Variants in PALLD observed in about 807,000 individuals in gnomAD.
PALLD encodes the protein palladin, cytoskeletal associated protein, also known as palladin.
Under a neutral mutation model 123.5 loss-of-function variants are expected in PALLD, and 61 were observed. That is an observed-to-expected ratio of 0.49 (90% CI 0.40 to 0.61). The LOEUF (loss-of-function observed/expected upper bound fraction) is 0.61. Among genes scored for constraint, PALLD ranks in the 20% least tolerant of loss-of-function variants. The pLI is 0.00. For synonymous variants in PALLD, 465 were observed against 496.4 expected, an observed-to-expected ratio of 0.94 and a Z score of 0.84; for missense variants, 1,273 against 1,377.0, an observed-to-expected ratio of 0.92 and a Z score of 1.20.
chr4:168,789,433 G>T (rs1407192251), intron 10 of PALLD, among the ~76,000 whole-genome samples: 1 of 152,146 alleles, frequency 6.6e-6, no homozygotes, highest in African/African-American at 2.4e-5. Context: ...AGGGCCGGGT[G>T]CAGTGGCTCA....
chr4:168,856,140 C>G (rs767689581), intron 10 of PALLD, among the ~76,000 whole-genome samples: 1 of 152,172 alleles, frequency 6.6e-6, no homozygotes. Context: ...ATAATGGCCT[C>G]GAGCTGCATC....
At chr4:168,517,687 C>T (rs921955225) in intron 2 of PALLD, among the ~76,000 whole-genome samples, 3 of 152,038 alleles carry the variant, frequency 2.0e-5, no homozygotes, top group Non-Finnish European at 2.9e-5. Flanking sequence ...GATTTGGTTT[C>T]GGAAAATGTA....
At chr4:168,787,039 C>T (rs1736860429) in intron 10 of PALLD, among the ~76,000 whole-genome samples, 1 of 152,118 alleles carries the variant, frequency 6.6e-6, no homozygotes, top group African/African-American at 2.4e-5. Context: ...ATCCATCTGT[C>T]CAGCTATTAT....
At chr4:168,899,714 C>T (rs1183455335) in intron 14 of PALLD, among the ~76,000 whole-genome samples, 1 of 151,926 alleles carries the variant, frequency 6.6e-6, no homozygotes, top group African/African-American at 2.4e-5. Flanking sequence ...CTCAGGAGTT[C>T]GAGACCAGCC....
At chr4:168,558,485 T>C (rs955766018) in intron 2 of PALLD, among the ~76,000 whole-genome samples, 7 of 152,140 alleles carry the variant, frequency 4.6e-5, no homozygotes, top group Admixed American at 3.9e-4. Context: ...CTCCCTCAGC[T>C]CTTTCACAAA....
intron 2 of PALLD, among the ~76,000 whole-genome samples, chr4:168,535,492 C>T (rs960142594): frequency 6.6e-6 from 1 of 152,150 alleles, no homozygotes; most frequent in Admixed American, 6.5e-5. Context: ...TTCAGATAAC[C>T]GAACCCACAT....
At chr4:168,758,945 C>T (rs185875121) in intron 10 of PALLD, among the ~76,000 whole-genome samples, 21 of 151,348 alleles carry the variant, frequency 1.4e-4, no homozygotes, top group African/African-American at 4.4e-4. Context: ...GAGGCCAAGG[C>T]GGATGGATCA....
chr4:168,694,119 T>G (rs1323563743), intron 8 of PALLD, among the ~76,000 whole-genome samples: 2 of 152,340 alleles, frequency 1.3e-5, no homozygotes, highest in East Asian at 3.9e-4. Flanking sequence ...GTTTACCTTC[T>G]TTAAATGACC....
Position 168,890,733 on chromosome 4 carries a change from C to T in PALLD, c.1965-189C>T, listed in dbSNP as rs541135104. 1.3e-4 allele frequency among the ~76,000 whole-genome samples: 20 copies of T among 152,270 alleles called. 1 individual carries two copies. The South Asian group carries it at 3.7e-3, about 28-fold the overall frequency. On this transcript the variant is annotated intron_variant, in intron 10 of 21. Transcript: ENST00000505667. ...TAATGTATGTGAACCTTCTCTGAAACCTGGATCCAATTAGTGTTACCTGAA... is the reference window on the plus strand; with the variant it reads ...TAATGTATGTGAACCTTCTCTGAAATCTGGATCCAATTAGTGTTACCTGAA...
intron 2 of PALLD, among the ~76,000 whole-genome samples, chr4:168,591,567 G>A (rs1171074559): frequency 2.0e-5 from 3 of 152,088 alleles, no homozygotes; most frequent in South Asian, 4.1e-4. Context: ...CGGTAAAAAC[G>A]ACCTTTCATG....
At chr4:168,527,938 C>T (rs1023287414) in intron 2 of PALLD, among the ~76,000 whole-genome samples, 1 of 152,162 alleles carries the variant, frequency 6.6e-6, no homozygotes, top group Non-Finnish European at 1.5e-5. Flanking sequence ...CACAATGCTT[C>T]CCTGTGTTCA....
chr4:168,573,175 G>A (rs942000804), intron 2 of PALLD, among the ~76,000 whole-genome samples: 2 of 151,746 alleles, frequency 1.3e-5, no homozygotes, highest in East Asian at 3.9e-4. Context: ...TCTGCCTGGA[G>A]TGCTCTTTTT....
At chr4:168,761,645 G>GTTTTT (rs70961555) in intron 10 of PALLD, among the ~76,000 whole-genome samples, 975 of 86,212 alleles carry the variant, frequency 0.011, 50 homozygotes, top group Non-Finnish European at 0.015. Context: ...GTTGTTGTTT[G>GTTTTT]TTTTTTTTTT....
intron 10 of PALLD, among the ~76,000 whole-genome samples, chr4:168,724,375 A>G (rs1409845597): frequency 1.3e-5 from 2 of 152,218 alleles, no homozygotes; most frequent in African/African-American, 4.8e-5. Flanking sequence ...ACATCACCTA[A>G]TAGTGAGAAC....
intron 3 of PALLD, among the ~76,000 whole-genome samples, chr4:168,677,239 G>A (rs556310780): frequency 6.6e-6 from 1 of 152,072 alleles, no homozygotes; most frequent in South Asian, 2.1e-4. Flanking sequence ...AACAGAGTGG[G>A]AGAGGGCGGG....
At chr4:168,721,281 T>TAG (rs889933986) in intron 10 of PALLD, among the ~76,000 whole-genome samples, 1 of 152,124 alleles carries the variant, frequency 6.6e-6, no homozygotes, top group African/African-American at 2.4e-5. Context: ...CCCTACTGGG[T>TAG]AGAGACCTTT....
intron 10 of PALLD, among the ~76,000 whole-genome samples, chr4:168,796,294 T>C (rs2150647296): frequency 6.6e-6 from 1 of 152,282 alleles, no homozygotes; most frequent in Non-Finnish European, 1.5e-5. Flanking sequence ...TTGAGAATAA[T>C]TGTTGTATCC....
At chr4:168,857,543 T>C (rs984770788) in intron 10 of PALLD, among the ~76,000 whole-genome samples, 2 of 152,248 alleles carry the variant, frequency 1.3e-5, no homozygotes, top group Admixed American at 1.3e-4. Context: ...TTTTAATTGA[T>C]TTTTATTTTA....
At chr4:168,874,025 A>G (rs1262660703) in intron 10 of PALLD, among the ~76,000 whole-genome samples, 2 of 152,380 alleles carry the variant, frequency 1.3e-5, no homozygotes, top group South Asian at 2.1e-4. Flanking sequence ...ATCCCCTGCA[A>G]TAAGTAAAAC....
Sources: gnomAD v4.1 joint callset for allele counts (sites outside exome capture counted in the v4.1 genomes callset) on GRCh38, gnomAD v4.1.1 for gene constraint, MANE v1.5 for transcripts, NCBI Gene and HGNC (gene_info 2026-07-23, HGNC 2026-07-21) for gene names.